RSPO2: variants seen among roughly 807,000 people sequenced by gnomAD.
The protein encoded by RSPO2 is R-spondin 2.
In RSPO2, 14 loss-of-function variants were observed where a neutral mutation model predicts 30.9. The observed-to-expected ratio is 0.45, with a 90% CI of 0.30 to 0.71. RSPO2 has a LOEUF of 0.71. RSPO2 is among the 30% of genes least tolerant of loss of function. RSPO2 has a pLI of 0.08. For missense variants in RSPO2, 264 were observed against 301.9 expected (o/e 0.87, Z 0.93); for synonymous variants, 107 against 96.4 (o/e 1.11, Z -0.64).
At chr8:108,002,053 TA>T (rs928895700) in intron 2 of RSPO2, among the ~76,000 whole-genome samples, 2 of 151,928 alleles carry the variant, frequency 1.3e-5, no homozygotes, top group Admixed American at 6.6e-5. Flanking sequence ...TAAAGTATAA[TA>T]AAAAAAAGTT....
chr8:107,937,271 G>T (rs1254597105), intron 5 of RSPO2, among the ~76,000 whole-genome samples: 2 of 150,620 alleles, frequency 1.3e-5, no homozygotes, highest in Non-Finnish European at 3.0e-5. Context: ...AGTGTATGTT[G>T]TTAGCACTTG....
At chr8:107,932,482 T>C (rs1414637164) in intron 5 of RSPO2, among the ~76,000 whole-genome samples, 1 of 152,006 alleles carries the variant, frequency 6.6e-6, no homozygotes, top group African/African-American at 2.4e-5. Flanking sequence ...CAGGTGGAAA[T>C]ATGAAGATTA....
At chr8:107,976,204 C>T (rs1017149359) in intron 3 of RSPO2, among the ~76,000 whole-genome samples, 1 of 152,226 alleles carries the variant, frequency 6.6e-6, no homozygotes, top group Admixed American at 6.5e-5. Flanking sequence ...AATCCTAACC[C>T]TATCCAATGA....
intron 2 of RSPO2, among the ~76,000 whole-genome samples, chr8:108,079,305 A>G (rs1251032122): frequency 6.6e-6 from 1 of 152,170 alleles, no homozygotes; most frequent in African/African-American, 2.4e-5. Context: ...AAATTATTGC[A>G]ACCAGGCCCC....
chr8:108,061,164 G>T (rs1012071644), intron 2 of RSPO2, among the ~76,000 whole-genome samples: 4 of 151,678 alleles, frequency 2.6e-5, no homozygotes, highest in Non-Finnish European at 4.4e-5. Context: ...ATAATGACAG[G>T]ATCAAATTCA....
chr8:107,909,259 G>GTT (rs11292252), intron 5 of RSPO2, among the ~76,000 whole-genome samples: 2,873 of 91,236 alleles, frequency 0.031, 68 homozygotes, highest in Non-Finnish European at 0.046. Context: ...TTTCCCAGTT[G>GTT]TTTTTTTTTT....
intron 3 of RSPO2, among the ~76,000 whole-genome samples, chr8:107,981,291 G>A (rs1340355432): frequency 2.6e-5 from 4 of 152,196 alleles, no homozygotes; most frequent in African/African-American, 9.6e-5. Context: ...GGCCAAGATG[G>A]GGGGATTTCC....
At chr8:108,037,628 C>CA (rs1260281849) in intron 2 of RSPO2, among the ~76,000 whole-genome samples, 1 of 152,180 alleles carries the variant, frequency 6.6e-6, no homozygotes, top group East Asian at 1.9e-4. Context: ...CCAGGATTTT[C>CA]ATAGCTAGAG....
At chr8:107,984,034 GA>G in intron 3 of RSPO2, 1 of 595,582 alleles carries the variant, frequency 1.7e-6, no homozygotes, top group Non-Finnish European at 2.9e-6. Flanking sequence ...CCAGCAAAAA[GA>G]AAAGGGAAAA....
chr8:107,973,752 T>C (rs1431628315), intron 3 of RSPO2, among the ~76,000 whole-genome samples: 2 of 152,188 alleles, frequency 1.3e-5, no homozygotes, highest in Non-Finnish European at 2.9e-5. Flanking sequence ...AGAATATAAC[T>C]ACTTGCCTTA....
chr8:108,007,057 A>G (rs1815475216), intron 2 of RSPO2, among the ~76,000 whole-genome samples: 1 of 152,168 alleles, frequency 6.6e-6, no homozygotes, highest in African/African-American at 2.4e-5. Context: ...AGTATTACAA[A>G]TATGTTGTCT....
chr8:108,014,660 C>T (rs1810819202), intron 2 of RSPO2, among the ~76,000 whole-genome samples: 1 of 151,332 alleles, frequency 6.6e-6, no homozygotes, highest in South Asian at 2.1e-4. Context: ...CACATGGACA[C>T]AGGGAGGGGA....
chr8:107,957,764 G>A (rs145478912), intron 5 of RSPO2, among the ~76,000 whole-genome samples: 10 of 152,216 alleles, frequency 6.6e-5, no homozygotes, highest in African/African-American at 2.4e-4. Flanking sequence ...GCCTGATTTC[G>A]TAAGAACCCG....
chr8:108,082,871 C>T (rs962678807), intron 1 of RSPO2, 64 bp from the exon 2 acceptor site: 19 of 492,824 alleles, frequency 3.9e-5, no homozygotes, highest in African/African-American at 3.0e-4. Flanking sequence ...GAGGCAGCTG[C>T]GCCTTCGCAC....
chr8:108,060,884 A>G (rs1812434241), intron 2 of RSPO2, among the ~76,000 whole-genome samples: 1 of 149,948 alleles, frequency 6.7e-6, no homozygotes, highest in Non-Finnish European at 1.5e-5. Flanking sequence ...AATATTCAAC[A>G]TTCTTAAAGA....
chr8:107,987,159 C>G (rs1814672578), intron 3 of RSPO2, among the ~76,000 whole-genome samples: 2 of 152,146 alleles, frequency 1.3e-5, no homozygotes, highest in Admixed American at 1.3e-4. Flanking sequence ...TCTCTTAGCT[C>G]TGTCCAGTTA....
chr8:107,990,570 GA>G (rs1814811759), intron 2 of RSPO2, among the ~76,000 whole-genome samples: 2 of 151,990 alleles, frequency 1.3e-5, no homozygotes, highest in Admixed American at 1.3e-4. Context: ...CAAACAAATG[GA>G]AAAACCTTCC....
intron 2 of RSPO2, among the ~76,000 whole-genome samples, chr8:108,068,146 G>C (rs979159504): frequency 6.6e-6 from 1 of 152,134 alleles, no homozygotes; most frequent in African/African-American, 2.4e-5. Flanking sequence ...AAGCCAAGTT[G>C]ATGTACAGAT....
At chr8:108,028,846 C>T (rs1811309710) in intron 2 of RSPO2, among the ~76,000 whole-genome samples, 1 of 152,148 alleles carries the variant, frequency 6.6e-6, no homozygotes, top group African/African-American at 2.4e-5. Context: ...GACTACCTCT[C>T]CCTGTAAACT....
Sources: allele counts gnomAD v4.1 joint callset (sites outside exome capture counted in the v4.1 genomes callset), GRCh38; gene constraint gnomAD v4.1.1; transcripts MANE v1.5; gene names NCBI Gene and HGNC (gene_info 2026-07-23, HGNC 2026-07-21).